The following PRIMPOL variants were observed in gnomAD, a reference collection of about 807,000 sequenced individuals.
PRIMPOL encodes the protein primase and DNA directed polymerase, also known as DNA-directed primase/polymerase protein.
A neutral mutation model predicts 63.6 loss-of-function variants in PRIMPOL; 54 were observed. The observed-to-expected ratio is 0.85, with a 90% CI of 0.68 to 1.07. PRIMPOL has a LOEUF of 1.07. Among genes scored for constraint, PRIMPOL ranks in the 50% least tolerant of loss-of-function variants. The pLI is 0.00. For missense variants in PRIMPOL, 610 were observed against 648.3 expected, an observed-to-expected ratio of 0.94 and a Z score of 0.64; for synonymous variants, 197 against 220.2, an observed-to-expected ratio of 0.89 and a Z score of 0.93.
chr4:184,677,540 AT>A (rs765366826), intron 7 of PRIMPOL, among the ~76,000 whole-genome samples: 122,003 of 152,110 alleles, frequency 0.8, 49,865 homozygotes, highest in East Asian at 0.99. Context: ...ACACTGTCTA[AT>A]ATAGTTTTGT....
chr4:184,677,669 C>A (rs1385052816), intron 7 of PRIMPOL, among the ~76,000 whole-genome samples: 1 of 152,160 alleles, frequency 6.6e-6, no homozygotes, highest in Admixed American at 6.5e-5. Context: ...CCGGTTTACA[C>A]AAACAAATCC....
chr4:184,691,366 TC>T, intron 11 of PRIMPOL, 132 bp from the exon 12 acceptor site: 1 of 630,780 alleles, frequency 1.6e-6, no homozygotes, highest in Non-Finnish European at 2.8e-6. Context: ...TATGTATCTA[TC>T]CTTATCCTTT....
rs1746709007 is a variant in PRIMPOL, at chr4:184,657,226, G to C, written c.86G>C (p.Arg29Thr). 1 of 1,613,936 alleles carries C rather than the reference G, an allele frequency of 6.2e-7. No homozygotes were observed. Residue 29 changes from arginine (R) to threonine (T), a missense_variant, in exon 3 of 14, where the codon AGA (arginine) becomes ACA (threonine). Around this residue, in one of 3 missense-constraint regions of PRIMPOL, gnomAD observed 159 missense variants for 168.9 expected, o/e 0.94. Transcript: ENST00000314970. ...AGGAAACCGTTGTCCTCAGTGTATA[G>C]ACCAAGATTGTCCAAGCCAGAAGAA... ...YERKPLSSVY[R>T]PRLSKPEEPP... is the part of the protein sequence containing the mutation.
intron 6 of PRIMPOL, among the ~76,000 whole-genome samples, chr4:184,668,273 GTA>G (rs1750627193): frequency 6.6e-6 from 1 of 152,216 alleles, no homozygotes; most frequent in Middle Eastern, 3.2e-3. Flanking sequence ...CGTGATGTGT[GTA>G]TCAGTGAGTG....
At chr4:184,660,252 C>A (rs1747941099) in intron 4 of PRIMPOL, among the ~76,000 whole-genome samples, 1 of 151,582 alleles carries the variant, frequency 6.6e-6, no homozygotes, top group Middle Eastern at 3.4e-3. Flanking sequence ...GTGGCACAAT[C>A]TCAGCTCACT....
At chr4:184,660,797 C>T (rs761637652) in intron 4 of PRIMPOL, among the ~76,000 whole-genome samples, 1 of 152,174 alleles carries the variant, frequency 6.6e-6, no homozygotes, top group Non-Finnish European at 1.5e-5. Flanking sequence ...CCTGATGATA[C>T]AATTTTCACA....
Position 184,678,351 on chromosome 4 carries a change from G to A in PRIMPOL, c.964G>A (p.Asp322Asn). 6.2e-7 allele frequency: 1 copy of A among 1,608,278 alleles called. No homozygotes were observed. Among genetic ancestry groups the A allele is most frequent in the Non-Finnish European group, 8.5e-7 (1 of 1,178,154 alleles). ...FFPIQSKDVS[D>N]EYQYFLSSLV... is the part of the protein sequence containing the mutation. ...TCCTATACAGTCAAAAGATGTTTCT[G>A]ACGAATATCAATATTTTCTCTCTTC... is the stretch of plus-strand genomic sequence containing the variant. The change falls in exon 8 of 14, where the codon GAC (aspartate) becomes AAC (asparagine). Residue 322 changes from aspartate to asparagine, a missense_variant. Asp to Asn is a conservative substitution (Grantham distance 23). Coordinates refer to ENST00000314970, the MANE Select transcript of PRIMPOL (RefSeq NM_152683.4).
At chr4:184,687,012 A>T (rs1449569606) in intron 11 of PRIMPOL, among the ~76,000 whole-genome samples, 1 of 152,184 alleles carries the variant, frequency 6.6e-6, no homozygotes, top group Non-Finnish European at 1.5e-5. Context: ...TTATGTCTCC[A>T]TAATCTATTC....
At chr4:184,659,801 T>G (rs1157458093) in intron 4 of PRIMPOL, among the ~76,000 whole-genome samples, 1 of 152,198 alleles carries the variant, frequency 6.6e-6, no homozygotes, top group African/African-American at 2.4e-5. Flanking sequence ...TTTAAATTAT[T>G]TGTTATTAGC....
intron 11 of PRIMPOL, among the ~76,000 whole-genome samples, chr4:184,686,813 C>G (rs1375418364): frequency 6.6e-6 from 1 of 151,986 alleles, no homozygotes; most frequent in Non-Finnish European, 1.5e-5. Context: ...TAGATTAATT[C>G]AGTTTAAAAA....
intron 2 of PRIMPOL, among the ~76,000 whole-genome samples, chr4:184,656,479 G>C (rs1418387951): frequency 6.6e-6 from 1 of 152,110 alleles, no homozygotes; most frequent in Non-Finnish European, 1.5e-5. Context: ...CTCTGGCGTG[G>C]TTGACATGGA....
At chr4:184,672,134 G>T in intron 6 of PRIMPOL, 39 bp from the exon 7 acceptor site, 1 of 1,540,238 alleles carries the variant, frequency 6.5e-7, no homozygotes, top group South Asian at 1.2e-5. Context: ...GCGGTGTGTG[G>T]AGAAGATCCA....
chr4:184,652,368 A>G lies in PRIMPOL; in HGVS notation c.-60+268A>G, dbSNP rs577506382. 1.4e-3 allele frequency among the ~76,000 whole-genome samples: 208 copies of G among 151,192 alleles called. 1 individual carries two copies. Among genetic ancestry groups the G allele is most frequent in the Non-Finnish European group, 2.1e-3 (145 of 67,840 alleles). On this transcript the variant is annotated intron_variant, in intron 2 of 13. Transcript: ENST00000314970. ...GGGCTGGCAGAGTTATGCTGTTTGG[A>G]TGGGAGATCCTGTGGGGAGGATAGA... is the stretch of plus-strand genomic sequence containing the variant.
In PRIMPOL at chr4:184,659,209, A is replaced by G. The variant is rs1747549881; in HGVS notation, c.181-131A>G. On this transcript the variant is annotated intron_variant, in intron 3 of 13. Coordinates refer to ENST00000314970, the MANE Select transcript of PRIMPOL (RefSeq NM_152683.4). The stretch of plus-strand genomic sequence containing the variant: ...CTAGTGACTATTTGTCTTGTTTTTA[A>G]TAATACAAATGTTCAAATTACAGTT... 2.8e-5 allele frequency: 19 copies of G among 666,948 alleles called. 1 individual carries two copies. In the East Asian group the frequency reaches 5.1e-4, roughly 18 times the overall value. The allele number at this position is 666,948 out of a possible 1,614,324, so 41.3% of individuals were successfully genotyped here.
intron 5 of PRIMPOL, among the ~76,000 whole-genome samples, chr4:184,662,168 T>C (rs1748540806): frequency 6.6e-6 from 1 of 152,160 alleles, no homozygotes; most frequent in African/African-American, 2.4e-5. Flanking sequence ...AAATTTTCTA[T>C]ATTTTAAAAT....
chr4:184,679,776 T>C (rs72689295), intron 8 of PRIMPOL, among the ~76,000 whole-genome samples: 15,441 of 152,136 alleles, frequency 0.1, 940 homozygotes, highest in Middle Eastern at 0.17. Context: ...GGAGTGCAAA[T>C]CCTGCTGTGA....
At chr4:184,690,458 T>C (rs1758207859) in intron 11 of PRIMPOL, among the ~76,000 whole-genome samples, 1 of 152,154 alleles carries the variant, frequency 6.6e-6, no homozygotes, top group Non-Finnish European at 1.5e-5. Context: ...TATTTATTTA[T>C]TTACTTATTT....
intron 6 of PRIMPOL, among the ~76,000 whole-genome samples, chr4:184,670,545 A>ATTTTT (rs57234973): frequency 0.023 from 3,075 of 136,586 alleles, 130 homozygotes; most frequent in African/African-American, 0.08. Flanking sequence ...TAGGAAAGTA[A>ATTTTT]TTTTTTTTTT....
At chr4:184,670,723 T>C (rs1229519477) in intron 6 of PRIMPOL, among the ~76,000 whole-genome samples, 1 of 151,928 alleles carries the variant, frequency 6.6e-6, no homozygotes, top group African/African-American at 2.4e-5. Context: ...AATTTTTGTA[T>C]TTTTAGTAGA....
Sources: allele counts gnomAD v4.1 joint callset (sites outside exome capture counted in the v4.1 genomes callset), GRCh38; gene constraint gnomAD v4.1.1; regional missense constraint gnomAD v4.1.1; transcripts MANE v1.5; gene names NCBI Gene and HGNC (gene_info 2026-07-23, HGNC 2026-07-21).